The following RNLS variants were observed in gnomAD, a reference collection of about 807,000 sequenced individuals.
The protein encoded by RNLS is renalase.
In RNLS, 39 loss-of-function variants were observed where a neutral mutation model predicts 39.8. The observed-to-expected ratio is 0.98, with a 90% CI of 0.76 to 1.28. The LOEUF is 1.28. Among genes scored for constraint, RNLS ranks in the 50% most tolerant of loss-of-function variants. The pLI is 0.00. For synonymous variants in RNLS, 147 were observed against 150.7 expected (o/e 0.98, Z 0.18); for missense variants, 410 against 413.3 (o/e 0.99, Z 0.07).
chr10:88,574,073 A>G (rs1850017275), intron 3 of RNLS, among the ~76,000 whole-genome samples: 1 of 152,134 alleles, frequency 6.6e-6, no homozygotes, highest in African/African-American at 2.4e-5. Flanking sequence ...CTCGGGAGGC[A>G]GAGGTTGCAG....
At chr10:88,260,403 GT>G in the RNLS span, among the ~76,000 whole-genome samples, 1 of 152,352 alleles carries the variant, frequency 6.6e-6, no homozygotes, top group South Asian at 2.1e-4. Flanking sequence ...ATTAATGCAA[GT>G]ATGGAATCCT....
intron 4 of RNLS, among the ~76,000 whole-genome samples, chr10:88,567,426 A>C (rs1164746007): frequency 6.6e-6 from 1 of 152,238 alleles, no homozygotes; most frequent in Non-Finnish European, 1.5e-5. Context: ...TTGATATACA[A>C]AACTATGCAG....
intron 4 of RNLS, among the ~76,000 whole-genome samples, chr10:88,519,796 T>G (rs1327512359): frequency 6.6e-6 from 1 of 150,696 alleles, no homozygotes; most frequent in Non-Finnish European, 1.5e-5. Flanking sequence ...TTTCCTGCAC[T>G]AGGTATCCCC....
chr10:88,281,965 C>A (rs1437116792), downstream of RNLS, among the ~76,000 whole-genome samples: 1 of 151,972 alleles, frequency 6.6e-6, no homozygotes, highest in Admixed American at 6.6e-5. Flanking sequence ...AACAAAGAAA[C>A]AAAGAGGAAT....
downstream of RNLS, among the ~76,000 whole-genome samples, chr10:88,282,793 T>G (rs1274516416): frequency 6.6e-6 from 1 of 152,196 alleles, no homozygotes; most frequent in East Asian, 1.9e-4. Flanking sequence ...TTGTCACCCT[T>G]GCTGCCTGAG....
At chr10:88,487,797 G>T (rs1844623371) in intron 4 of RNLS, among the ~76,000 whole-genome samples, 1 of 152,240 alleles carries the variant, frequency 6.6e-6, no homozygotes, top group East Asian at 1.9e-4. Flanking sequence ...ATAGCAGTTT[G>T]TCATAGTCGC....
At chr10:88,533,802 C>T (rs1847580014) in intron 4 of RNLS, among the ~76,000 whole-genome samples, 1 of 152,054 alleles carries the variant, frequency 6.6e-6, no homozygotes, top group South Asian at 2.1e-4. Context: ...AGTAACCATA[C>T]ACAAGTAGAA....
the RNLS span, among the ~76,000 whole-genome samples, chr10:88,180,846 C>T: frequency 1.3e-5 from 2 of 152,092 alleles, no homozygotes; most frequent in Non-Finnish European, 2.9e-5. Flanking sequence ...ATTGAGTAAC[C>T]TGTTTTTTAA....
chr10:88,534,316 G>A lies in RNLS; in HGVS notation c.526+38587C>T, dbSNP rs373602825. Among the ~76,000 whole-genome samples, 13 of 152,094 alleles carry A rather than the reference G, an allele frequency of 8.5e-5. No individual in the cohort carries two copies. In the East Asian group the frequency reaches 1.5e-3, roughly 18 times the overall value. On this transcript the variant is annotated intron_variant, in intron 4 of 6. Coordinates refer to ENST00000331772, the MANE Select transcript of RNLS (RefSeq NM_001031709.3). ...ACCCTTGGCTCCCCTGTGTAGCTGT[G>A]TGACCTAATACTGGTCATATAAATC...
chr10:88,567,773 C>T (rs374294919), intron 4 of RNLS, among the ~76,000 whole-genome samples: 1 of 152,110 alleles, frequency 6.6e-6, no homozygotes, highest in Non-Finnish European at 1.5e-5. Context: ...GAAAAAAATG[C>T]TTTCAAAATT....
chr10:88,554,494 A>G (rs753881567), intron 4 of RNLS, among the ~76,000 whole-genome samples: 8 of 152,054 alleles, frequency 5.3e-5, no homozygotes, highest in Non-Finnish European at 8.8e-5. Context: ...TATTCTACTC[A>G]ATTCACCCCC....
At chr10:88,172,842 G>GATTTTTTTTTTTT in the RNLS span, among the ~76,000 whole-genome samples, 1 of 43,778 alleles carries the variant, frequency 2.3e-5, no homozygotes, top group Non-Finnish European at 3.7e-5. Context: ...ATTTTGAGTT[G>GATTTTTTTTTTTT]TTTTTTTTTT....
intron 5 of RNLS, among the ~76,000 whole-genome samples, chr10:88,326,741 G>A (rs1405472044): frequency 6.6e-6 from 1 of 152,190 alleles, no homozygotes; most frequent in Non-Finnish European, 1.5e-5. Context: ...CAGAATGGTA[G>A]ATCCAATGGC....
intron 4 of RNLS, among the ~76,000 whole-genome samples, chr10:88,400,049 C>A (rs1161232124): frequency 6.6e-6 from 1 of 152,006 alleles, no homozygotes; most frequent in Non-Finnish European, 1.5e-5. Flanking sequence ...TCAAATCTTT[C>A]TTTGCCACTC....
chr10:88,494,053 C>A (rs879864527), intron 4 of RNLS, among the ~76,000 whole-genome samples: 2 of 151,956 alleles, frequency 1.3e-5, no homozygotes, highest in Non-Finnish European at 2.9e-5. Context: ...GACACACACA[C>A]AAAAATAAGG....
chr10:88,253,172 T>C, the RNLS span, among the ~76,000 whole-genome samples: 1 of 152,234 alleles, frequency 6.6e-6, no homozygotes, highest in Non-Finnish European at 1.5e-5. Flanking sequence ...GGATGTGATT[T>C]ACCCACTGTA....
At chr10:88,180,849 T>C in the RNLS span, among the ~76,000 whole-genome samples, 90 of 152,304 alleles carry the variant, frequency 5.9e-4, 1 homozygote, top group African/African-American at 2.1e-3. Flanking sequence ...GAGTAACCTG[T>C]TTTTTAATTT....
intron 4 of RNLS, among the ~76,000 whole-genome samples, chr10:88,448,870 A>C (rs1053828275): frequency 6.6e-6 from 1 of 152,210 alleles, no homozygotes; most frequent in Admixed American, 6.5e-5. Context: ...TGAAGCTGGA[A>C]ACCATCAATC....
chr10:88,426,833 G>C (rs1228483064), intron 4 of RNLS, among the ~76,000 whole-genome samples: 1 of 151,922 alleles, frequency 6.6e-6, no homozygotes, highest in African/African-American at 2.4e-5. Flanking sequence ...GATCCTAGGG[G>C]GTAACAGTAG....
Sources: gnomAD v4.1 joint callset for allele counts (sites outside exome capture counted in the v4.1 genomes callset) on GRCh38, gnomAD v4.1.1 for gene constraint, MANE v1.5 for transcripts, NCBI Gene and HGNC (gene_info 2026-07-23, HGNC 2026-07-21) for gene names.